MPDZ: variants seen among roughly 807,000 people sequenced by gnomAD.
MPDZ encodes the protein multiple PDZ domain protein.
In MPDZ, 234 loss-of-function variants were observed where a neutral mutation model predicts 239.1. That is an observed-to-expected ratio of 0.98 (90% CI 0.88 to 1.09). The LOEUF is 1.09. MPDZ is among the 50% of genes least tolerant of loss of function. The pLI, the probability that MPDZ is intolerant of heterozygous loss-of-function variation, is 0.00. For missense variants in MPDZ, 3,175 were observed against 2,510.0 expected, an observed-to-expected ratio of 1.26 and a Z score of -5.66; for synonymous variants, 1,048 against 881.3, an observed-to-expected ratio of 1.19 and a Z score of -3.35.
In MPDZ at chr9:13,188,895, G is replaced by T; in HGVS notation, c.2253C>A (p.Leu751=). The change falls in exon 17 of 47, where the codon CTC becomes CTA. Residue 751 remains leucine, a synonymous_variant. Transcript: ENST00000319217. ...CCAAGTTAACATCGTTTACAAACAT[G>T]AGTCGGTCACCAGGAAGAAGTCGTC... ...KDGRLLPGDR[L]MFVNDVNLEN... The T allele has an allele frequency of 6.2e-7, 1 of 1,613,558 alleles. No individual in the cohort carries two copies. The highest frequency in any genetic ancestry group is 2.2e-5 in the East Asian group (1 of 44,846).
chr9:13,110,848 T>C, intron 43 of MPDZ, 108 bp from the exon 44 acceptor site: 1 of 625,190 alleles, frequency 1.6e-6, no homozygotes, highest in Non-Finnish European at 2.7e-6. Flanking sequence ...ACATATATAC[T>C]GCTACCAGCC....
intron 5 of MPDZ, 110 bp downstream of exon 5, chr9:13,223,461 A>G (rs1959457808): frequency 7.8e-7 from 1 of 1,286,892 alleles, no homozygotes; most frequent in Non-Finnish European, 1.0e-6. Context: ...ATAACAGATT[A>G]TGTTCAATTT....
chr9:13,148,549 G>GT (rs1372553711), intron 25 of MPDZ, among the ~76,000 whole-genome samples: 1 of 151,848 alleles, frequency 6.6e-6, no homozygotes, highest in Admixed American at 6.6e-5. Context: ...CCTCCCTCAG[G>GT]TTGATACTTA....
Position 13,109,938 on chromosome 9 carries a change from A to T in MPDZ, c.5942+14T>A. 6.3e-7 allele frequency: 1 copy of T among 1,589,516 alleles called. No individual in the cohort carries two copies. Among genetic ancestry groups the T allele is most frequent in the Non-Finnish European group, 8.6e-7 (1 of 1,160,404 alleles). ...AGTGAAAAATGATACACTAATCATC[A>T]TGTATGAACTCACCCTAAATCATCC... On this transcript the variant is annotated intron_variant, in intron 45 of 46. Coordinates refer to ENST00000319217, the MANE Select transcript of MPDZ (RefSeq NM_001378778.1).
At chr9:13,202,703 T>C (rs1956530702) in intron 12 of MPDZ, among the ~76,000 whole-genome samples, 1 of 152,202 alleles carries the variant, frequency 6.6e-6, no homozygotes, top group Admixed American at 6.5e-5. Flanking sequence ...AATTTCCTCC[T>C]CTCATCTTGG....
intron 38 of MPDZ, among the ~76,000 whole-genome samples, chr9:13,121,164 G>A (rs911552100): frequency 1.3e-5 from 2 of 152,162 alleles, no homozygotes; most frequent in Non-Finnish European, 1.5e-5. Flanking sequence ...AGGCCCTGTT[G>A]ATGGCACGCT....
intron 19 of MPDZ, among the ~76,000 whole-genome samples, chr9:13,181,041 C>T (rs922176213): frequency 2.0e-5 from 3 of 152,028 alleles, no homozygotes; most frequent in Non-Finnish European, 4.4e-5. Flanking sequence ...GTATACCTGA[C>T]GAAGGCCAAA....
At chr9:13,192,869 A>G (rs181377367) in intron 14 of MPDZ, among the ~76,000 whole-genome samples, 1 of 152,314 alleles carries the variant, frequency 6.6e-6, no homozygotes, top group East Asian at 1.9e-4. Flanking sequence ...TGTGATTTTA[A>G]ACATCTGAAT....
intron 46 of MPDZ, 41 bp downstream of exon 46, chr9:13,108,895 T>C (rs778569254): frequency 1.3e-6 from 2 of 1,598,386 alleles, no homozygotes; most frequent in East Asian, 2.3e-5. Context: ...TATTAATGAA[T>C]GTTTAGGGGA....
chr9:13,248,201 C>T lies in MPDZ; in HGVS notation c.17-400G>A, dbSNP rs529895104. 1.3e-4 allele frequency among the ~76,000 whole-genome samples: 19 copies of T among 145,470 alleles called. No individual in the cohort carries two copies. In the East Asian group the frequency reaches 3.9e-3, roughly 30 times the overall value. On this transcript the variant is annotated intron_variant, in intron 2 of 46. Transcript: ENST00000319217. Reference sequence around the variant, plus strand: ...CGAGATTGGGCCACTGCACTCCAGCCTGGGTGACAGAGTGAGACTCCATCT... The same window carrying T: ...CGAGATTGGGCCACTGCACTCCAGCTTGGGTGACAGAGTGAGACTCCATCT...
In MPDZ at chr9:13,123,414, T is replaced by G. The variant is rs993693753; in HGVS notation, c.4808-116A>C. On this transcript the variant is annotated intron_variant, in intron 35 of 46. Coordinates refer to ENST00000319217, the MANE Select transcript of MPDZ (RefSeq NM_001378778.1). ...GGGCAGAGAAATGGGCCCATGACTG[T>G]GGGAAAAGAGACTTTGTATTTACCT... 3.5e-5 allele frequency: 26 copies of G among 746,676 alleles called. No individual in the cohort carries two copies. In the African/African-American group the frequency reaches 4.3e-4, roughly 12 times the overall value. The allele number at this position is 746,676 out of a possible 1,614,324, so 46.3% of individuals were successfully genotyped here.
chr9:13,176,247 A>C lies in MPDZ; in HGVS notation c.2820T>G (p.Ile940Met). Reference protein sequence around the residue: ...TINDYTPANAIEQQYECENTI... With the variant: ...TINDYTPANAMEQQYECENTI... ...TGTTTTCACATTCATATTGTTGTTCAATAGCATTTGCAGGTGTGTAGTCAT... is the reference window on the plus strand; with the variant it reads ...TGTTTTCACATTCATATTGTTGTTCCATAGCATTTGCAGGTGTGTAGTCAT... The change falls in exon 20 of 47, where the codon ATT becomes ATG. Residue 940 changes from isoleucine (I) to methionine (M), a missense_variant. By Grantham distance (10) the Ile-to-Met change is conservative. Transcript: ENST00000319217. 6.2e-7 allele frequency: 1 copy of C among 1,607,906 alleles called. No homozygotes were observed. The highest frequency in any genetic ancestry group is 1.1e-5 in the South Asian group (1 of 89,846).
chr9:13,140,420 G>A (rs1947496366), intron 27 of MPDZ, among the ~76,000 whole-genome samples: 1 of 142,196 alleles, frequency 7.0e-6, no homozygotes, highest in Admixed American at 7.0e-5. Context: ...GTATATATAT[G>A]AGCTTTCCAT....
At position 13,158,161 on chromosome 9, in the gene MPDZ, C is replaced by T. The variant is rs1950049876; in HGVS notation, c.3360-51G>A. The T allele has an allele frequency of 3.5e-6, 5 of 1,414,414 alleles. No individual in the cohort carries two copies. In the East Asian group the frequency reaches 9.2e-5, roughly 26 times the overall value. The allele number at this position is 1,414,414 out of a possible 1,614,324, so 87.6% of individuals were successfully genotyped here. A position where few individuals can be genotyped will look rare whatever the true frequency, so the allele number is the denominator to read the frequency against. On this transcript the variant is annotated intron_variant, in intron 23 of 46. Transcript: ENST00000319217. The stretch of plus-strand genomic sequence containing the variant: ...ACCCCAAAATCCTAGTAAAAACATG[C>T]AAGATTATATGTACTCTACTATTGA...
At chr9:13,151,434 C>T (rs1158965695) in intron 24 of MPDZ, among the ~76,000 whole-genome samples, 1 of 152,034 alleles carries the variant, frequency 6.6e-6, no homozygotes, top group Non-Finnish European at 1.5e-5. Flanking sequence ...ATACTATATA[C>T]ATTCAATATT....
chr9:13,161,340 C>G (rs58950247), intron 23 of MPDZ, among the ~76,000 whole-genome samples: 12 of 151,950 alleles, frequency 7.9e-5, no homozygotes, highest in Admixed American at 3.9e-4. Context: ...GAGGCCGAGG[C>G]TGGTGGATCA....
rs1488298588 is a variant in MPDZ at position 13,126,539 on chromosome 9, C to A, written c.4609G>T (p.Val1537Phe). The change falls in exon 34 of 47, where the codon GTT (valine) becomes TTT (phenylalanine). Residue 1537 changes from valine (V) to phenylalanine (F), a missense_variant. Transcript: ENST00000319217. ...ACCTTTTCAATAGGGTAACCAACAA[C>A]AATTTCATCATCTACAGCCAGTATC... Reference protein sequence around the residue: ...DQILAVDDEIVVGYPIEKFIS... With the variant: ...DQILAVDDEIFVGYPIEKFIS... 2 of 1,573,224 alleles carry A rather than the reference C, an allele frequency of 1.3e-6. No individual in the cohort carries two copies. The highest frequency in any genetic ancestry group is 1.7e-6 in the Non-Finnish European group (2 of 1,157,952).
chr9:13,119,590 C>T lies in MPDZ; in HGVS notation c.5291G>A (p.Gly1764Glu). 1.9e-6 allele frequency: 3 copies of T among 1,614,012 alleles called. No homozygotes were observed. The highest frequency in any genetic ancestry group is 1.1e-5 in the South Asian group (1 of 91,088). ...IVKGGIADAD[G>E]RLMQGDQILM... ...TATCTGGTCTCCCTGCATCAGTCTT[C>T]CATCGGCATCTGCAATTCCTCCTTT... Residue 1764 changes from glycine (G) to glutamate (E), a missense_variant, in exon 39 of 47, where the codon GGA (glycine) becomes GAA (glutamate). By Grantham distance (98) the Gly-to-Glu change is moderately conservative. Transcript: ENST00000319217.
At chr9:13,190,635 G>A (rs1017348766) in intron 15 of MPDZ, among the ~76,000 whole-genome samples, 1 of 152,008 alleles carries the variant, frequency 6.6e-6, no homozygotes, top group African/African-American at 2.4e-5. Flanking sequence ...AAAATGTAAA[G>A]CTATTTTGAT....
Sources: allele counts gnomAD v4.1 joint callset (sites outside exome capture counted in the v4.1 genomes callset), GRCh38; gene constraint gnomAD v4.1.1; transcripts MANE v1.5; gene names NCBI Gene and HGNC (gene_info 2026-07-23, HGNC 2026-07-21).